Variants in ARMC8 observed in about 807,000 individuals in gnomAD.
The protein encoded by ARMC8 is armadillo repeat containing 8.
In ARMC8, 20 loss-of-function variants were observed where a neutral mutation model predicts 99.3. That is an observed-to-expected ratio of 0.20 (90% CI 0.14 to 0.29). The LOEUF (loss-of-function observed/expected upper bound fraction) is 0.29. ARMC8 is among the 10% of genes least tolerant of loss of function. The probability of loss-of-function intolerance (pLI) is 1.00; values close to 1 mark genes in which losing one functional copy is unlikely to be tolerated. For missense variants in ARMC8, 569 were observed against 809.5 expected, an observed-to-expected ratio of 0.70 and a Z score of 3.60; for synonymous variants, 263 against 278.3, an observed-to-expected ratio of 0.95 and a Z score of 0.55.
rs921211849 is a variant in ARMC8, at chr3:138,297,291, C to T, written c.*1399C>T. 2.0e-5 allele frequency: 3 copies of T among 152,234 alleles called. No individual in the cohort carries two copies. Among genetic ancestry groups the T allele is most frequent in the Non-Finnish European group, 4.4e-5 (3 of 68,056 alleles). The allele number at this position is 152,234 out of a possible 1,614,324, so 9.4% of individuals were successfully genotyped here. On this transcript the variant is annotated 3_prime_UTR_variant, in exon 22 of 22. Coordinates refer to ENST00000469044, the MANE Select transcript of ARMC8 (RefSeq NM_001363941.2). ...CTTTCTGCACCCCTTAGCTTGGCCC[C>T]TGCTCCAACTTCTGGGTCAGCAGCA...
At chr3:138,220,034 G>A (rs912836406) in intron 2 of ARMC8, among the ~76,000 whole-genome samples, 1 of 152,130 alleles carries the variant, frequency 6.6e-6, no homozygotes, top group Non-Finnish European at 1.5e-5. Context: ...ATGGCACTTA[G>A]CCTACACAGA....
intron 1 of ARMC8, among the ~76,000 whole-genome samples, chr3:138,206,292 TA>T (rs2044367169): frequency 6.6e-6 from 1 of 152,200 alleles, no homozygotes; most frequent in Non-Finnish European, 1.5e-5. Flanking sequence ...AAGTTTAAAA[TA>T]TAAACAAAAT....
At chr3:138,276,658 C>T (rs1560033754) in intron 18 of ARMC8, among the ~76,000 whole-genome samples, 1 of 152,138 alleles carries the variant, frequency 6.6e-6, no homozygotes, top group Admixed American at 6.5e-5. Flanking sequence ...AGATATTAAA[C>T]AGTACCATTT....
chr3:138,253,392 C>G (rs1280289130), intron 12 of ARMC8, among the ~76,000 whole-genome samples: 1 of 152,158 alleles, frequency 6.6e-6, no homozygotes, highest in Admixed American at 6.5e-5. Context: ...CCAAGGCCCC[C>G]CAGCTAGTAA....
At chr3:138,236,073 T>C (rs2046319448) in intron 7 of ARMC8, among the ~76,000 whole-genome samples, 1 of 152,214 alleles carries the variant, frequency 6.6e-6, no homozygotes, top group Admixed American at 6.5e-5. Context: ...CCCAAAGTGC[T>C]GGGATTACAG....
rs1018824241 is a variant in ARMC8, at chr3:138,271,798, C to CTTTCTTTTTTTTTTTTT, written c.1480-1166_1480-1165insCTTTTTTTTTTTTTTTT. 5.0e-3 allele frequency among the ~76,000 whole-genome samples: 676 copies of CTTTCTTTTTTTTTTTTT among 136,004 alleles called. 16 individuals are homozygous for CTTTCTTTTTTTTTTTTT. Among genetic ancestry groups the CTTTCTTTTTTTTTTTTT allele is most frequent in the African/African-American group, 0.018 (636 of 35,166 alleles). The allele number at this position is 136,004 out of a possible 152,430, so 89.2% of individuals were successfully genotyped here. On this transcript the variant is annotated intron_variant, in intron 16 of 21. Transcript: ENST00000469044. ...AGTTCACAAGATTTTTTTTTTCTTT[C>CTTTCTTTTTTTTTTTTT]TTTTTTTTTTTTTTTGATACAGAGT...
intron 9 of ARMC8, 62 bp downstream of exon 9, chr3:138,237,634 G>T: frequency 7.1e-7 from 1 of 1,410,696 alleles, no homozygotes; most frequent in Non-Finnish European, 9.8e-7. Flanking sequence ...GAGTATTTTT[G>T]GACAACCAAA....
intron 1 of ARMC8, among the ~76,000 whole-genome samples, chr3:138,206,707 G>C (rs767823439): frequency 7.2e-5 from 11 of 152,164 alleles, no homozygotes; most frequent in Non-Finnish European, 1.5e-4. Flanking sequence ...AAGAGGACTG[G>C]GAGGGGAGAG....
At chr3:138,284,319 G>A (rs2050202708) in intron 18 of ARMC8, 112 bp from the exon 19 acceptor site, 2 of 744,694 alleles carry the variant, frequency 2.7e-6, no homozygotes, top group Admixed American at 4.0e-5. Context: ...ATTGAGAGTG[G>A]AACCTGTGAG....
At chr3:138,285,231 A>C (rs2050295053) in intron 19 of ARMC8, among the ~76,000 whole-genome samples, 1 of 152,116 alleles carries the variant, frequency 6.6e-6, no homozygotes. Flanking sequence ...CCTGCCCCTC[A>C]TTCTTTAGAC....
intron 14 of ARMC8, among the ~76,000 whole-genome samples, chr3:138,266,569 A>G (rs979444231): frequency 4.6e-5 from 7 of 152,164 alleles, no homozygotes; most frequent in East Asian, 1.9e-4. Flanking sequence ...AAATAGTTCT[A>G]TCAAGGAGGT....
chr3:138,245,672 G>C (rs373657879), intron 12 of ARMC8: 1 of 991,298 alleles, frequency 1.0e-6, no homozygotes, highest in South Asian at 4.6e-5. Context: ...TAAAATCTTT[G>C]TGGAATGATG....
At chr3:138,210,864 T>C (rs2044657159) in intron 2 of ARMC8, among the ~76,000 whole-genome samples, 1 of 152,046 alleles carries the variant, frequency 6.6e-6, no homozygotes, top group African/African-American at 2.4e-5. Context: ...GGAGGTAAAA[T>C]AAAAGTGCTG....
At chr3:138,261,860 A>C (rs960295770) in intron 12 of ARMC8, 1 of 152,230 alleles carries the variant, frequency 6.6e-6, no homozygotes, top group African/African-American at 2.4e-5. Flanking sequence ...GGGAAGTTGC[A>C]ATGTGTGTCC....
At chr3:138,246,669 G>A (rs1213113463) in intron 12 of ARMC8, 3 of 985,458 alleles carry the variant, frequency 3.0e-6, no homozygotes, top group Non-Finnish European at 2.4e-6. Flanking sequence ...GAAATAGGAT[G>A]TCCATTTGTA....
At chr3:138,211,221 G>C (rs1173028073) in intron 2 of ARMC8, among the ~76,000 whole-genome samples, 1 of 152,092 alleles carries the variant, frequency 6.6e-6, no homozygotes, top group Non-Finnish European at 1.5e-5. Context: ...CATATAACCA[G>C]ATAGCTCCGT....
chr3:138,251,105 C>T (rs2047103634), intron 12 of ARMC8, among the ~76,000 whole-genome samples: 1 of 151,850 alleles, frequency 6.6e-6, no homozygotes, highest in African/African-American at 2.4e-5. Flanking sequence ...GAGCCGTGAT[C>T]ACACTGTCAC....
chr3:138,277,053 T>C (rs1385007026), intron 18 of ARMC8, among the ~76,000 whole-genome samples: 1 of 152,146 alleles, frequency 6.6e-6, no homozygotes, highest in African/African-American at 2.4e-5. Flanking sequence ...ATGAAGACAG[T>C]ATGGTCTTAG....
chr3:138,260,991 A>G (rs2047688917), intron 12 of ARMC8, among the ~76,000 whole-genome samples: 1 of 152,238 alleles, frequency 6.6e-6, no homozygotes, highest in South Asian at 2.1e-4. Context: ...TTTCAGGCAT[A>G]AGCATCTAGT....
Sources: gnomAD v4.1 joint callset for allele counts (sites outside exome capture counted in the v4.1 genomes callset) on GRCh38, gnomAD v4.1.1 for gene constraint, MANE v1.5 for transcripts, NCBI Gene and HGNC (gene_info 2026-07-23, HGNC 2026-07-21) for gene names.